The following CA10 variants were observed in gnomAD, a reference collection of about 807,000 sequenced individuals.
CA10 encodes the protein carbonic anhydrase-related protein 10.
A neutral mutation model predicts 44.2 loss-of-function variants in CA10; 14 were observed. The observed-to-expected ratio is 0.32, with a 90% confidence interval of 0.21 to 0.50. CA10 has a LOEUF of 0.50. Ranked by LOEUF, CA10 falls within the 20% of genes least tolerant of loss-of-function variation. The pLI is 0.99. For synonymous variants in CA10, 159 were observed against 141.6 expected (o/e 1.12, Z -0.87); for missense variants, 350 against 409.7 (o/e 0.85, Z 1.26).
chr17:52,117,026 G>A (rs1988912528), intron 1 of CA10, among the ~76,000 whole-genome samples: 1 of 152,164 alleles, frequency 6.6e-6, no homozygotes, highest in Admixed American at 6.5e-5. Flanking sequence ...ACTAATAAGG[G>A]ATTTAAAAGG....
At chr17:52,075,133 G>T (rs1474945782) in intron 1 of CA10, among the ~76,000 whole-genome samples, 1 of 151,804 alleles carries the variant, frequency 6.6e-6, no homozygotes, top group Non-Finnish European at 1.5e-5. Context: ...AATTTCAAAA[G>T]GAAAAACAAT....
intron 2 of CA10, among the ~76,000 whole-genome samples, chr17:51,971,416 A>T (rs1984276503): frequency 6.6e-6 from 1 of 152,190 alleles, no homozygotes; most frequent in East Asian, 1.9e-4. Context: ...TCAAAACTAC[A>T]TCTGTGTATG....
intron 3 of CA10, among the ~76,000 whole-genome samples, chr17:51,911,271 G>A (rs1429027950): frequency 6.6e-6 from 1 of 152,142 alleles, no homozygotes; most frequent in Non-Finnish European, 1.5e-5. Flanking sequence ...ACACGCTGAT[G>A]TTTTATACCA....
chr17:51,720,687 C>A (rs1916324542), intron 4 of CA10, among the ~76,000 whole-genome samples: 1 of 152,086 alleles, frequency 6.6e-6, no homozygotes, highest in Non-Finnish European at 1.5e-5. Context: ...ACCAACTGAT[C>A]TCACCTATAT....
At chr17:52,034,317 G>C (rs1986554529) in intron 2 of CA10, among the ~76,000 whole-genome samples, 1 of 152,164 alleles carries the variant, frequency 6.6e-6, no homozygotes, top group Non-Finnish European at 1.5e-5. Context: ...AACTCATGAA[G>C]TTGTATATAT....
chr17:51,889,480 C>T (rs1005322200), intron 3 of CA10, among the ~76,000 whole-genome samples: 3 of 152,078 alleles, frequency 2.0e-5, no homozygotes, highest in African/African-American at 2.4e-5. Flanking sequence ...ACCATGATTG[C>T]GCCACTGTGC....
intron 2 of CA10, among the ~76,000 whole-genome samples, chr17:51,986,799 ACAATG>A: frequency 6.6e-6 from 1 of 152,202 alleles, no homozygotes; most frequent in African/African-American, 2.4e-5. Flanking sequence ...AATCAAAACC[ACAATG>A]CAATACCACC....
chr17:51,845,637 A>G (rs950358243), intron 3 of CA10, among the ~76,000 whole-genome samples: 7 of 152,208 alleles, frequency 4.6e-5, no homozygotes, highest in African/African-American at 1.4e-4. Flanking sequence ...TATACTCAAA[A>G]TGCACTCAGC....
At chr17:51,935,018 C>T (rs146484101) in intron 2 of CA10, among the ~76,000 whole-genome samples, 3,074 of 152,114 alleles carry the variant, frequency 0.02, 51 homozygotes, top group South Asian at 0.061. Flanking sequence ...CAAGGATGGG[C>T]GTATGAATGA....
chr17:52,110,176 C>T (rs1235835763), intron 1 of CA10, among the ~76,000 whole-genome samples: 2 of 152,236 alleles, frequency 1.3e-5, no homozygotes, highest in Non-Finnish European at 2.9e-5. Context: ...TGAATGCTAG[C>T]TCTCCCTCCC....
chr17:51,783,216 A>G (rs1906128407), intron 3 of CA10, among the ~76,000 whole-genome samples: 2 of 152,188 alleles, frequency 1.3e-5, no homozygotes, highest in Admixed American at 1.3e-4. Flanking sequence ...CCAAAGCAGG[A>G]ACTACATTGA....
rs150292280 is a variant in CA10 at position 51,838,622 on chromosome 17, G to A, written c.280-90804C>T. On this transcript the variant is annotated intron_variant, in intron 3 of 8. Coordinates refer to ENST00000451037, the MANE Select transcript of CA10 (RefSeq NM_020178.5). ...AAGACTGACAATTATTTTATGGAAC[G>A]ACTTCATGCATTATCAAAACTTCCA... Among the ~76,000 whole-genome samples, 161 of 152,342 alleles carry A rather than the reference G, an allele frequency of 1.1e-3. 2 individuals carry two copies. In the East Asian group the frequency reaches 0.026, roughly 24 times the overall value.
chr17:51,633,501 G>GTTGT lies in CA10; in HGVS notation c.935_938dup (p.Asn313LysfsTer10). 1 of 1,613,734 alleles carries GTTGT rather than the reference G, an allele frequency of 6.2e-7. No individual in the cohort carries two copies. On this transcript the variant is annotated frameshift_variant, in exon 8 of 9. Transcript: ENST00000451037. LOFTEE classifies it high-confidence loss of function. ...CTCTATACTGAAGCTTCTGGGCTCG[G>GTTGT]TTGTTTGGACAGTCCTTCCCCTGTA...
chr17:51,792,010 C>A (rs986386458), intron 3 of CA10, among the ~76,000 whole-genome samples: 1 of 152,016 alleles, frequency 6.6e-6, no homozygotes, highest in South Asian at 2.1e-4. Flanking sequence ...GAGAAACATG[C>A]ATGATGGGTG....
chr17:51,649,283 T>C (rs1913462717), intron 5 of CA10, 29 bp from the exon 6 acceptor site: 1 of 1,477,992 alleles, frequency 6.8e-7, no homozygotes, highest in African/African-American at 1.4e-5. Flanking sequence ...TATTAATGAC[T>C]GGGCATCACT....
intron 4 of CA10, among the ~76,000 whole-genome samples, chr17:51,686,457 C>T (rs1404497262): frequency 6.6e-6 from 1 of 152,066 alleles, no homozygotes; most frequent in African/African-American, 2.4e-5. Context: ...CCTGAAGATA[C>T]TCAAAGTTAC....
intron 5 of CA10, among the ~76,000 whole-genome samples, chr17:51,652,931 A>G (rs1054140396): frequency 2.6e-5 from 4 of 152,172 alleles, no homozygotes; most frequent in South Asian, 2.1e-4. Flanking sequence ...TAGAAAAGCA[A>G]TTTCTTTTTT....
intron 2 of CA10, among the ~76,000 whole-genome samples, chr17:51,945,821 G>A (rs1983251843): frequency 1.3e-5 from 2 of 152,078 alleles, no homozygotes; most frequent in Non-Finnish European, 2.9e-5. Flanking sequence ...CCCCATGCAA[G>A]ATTACACCTC....
chr17:52,113,974 G>A (rs1598221531), intron 1 of CA10, among the ~76,000 whole-genome samples: 2 of 152,314 alleles, frequency 1.3e-5, no homozygotes, highest in African/African-American at 4.8e-5. Context: ...GCAAAAACAG[G>A]AGGATGGGAT....
Sources: gnomAD v4.1 joint callset for allele counts (sites outside exome capture counted in the v4.1 genomes callset) on GRCh38, gnomAD v4.1.1 for gene constraint, MANE v1.5 for transcripts, NCBI Gene and HGNC (gene_info 2026-07-23, HGNC 2026-07-21) for gene names.